The following RANBP9 variants were observed in gnomAD, a reference collection of about 807,000 sequenced individuals.
RANBP9 encodes the protein RAN binding protein 9.
Under a neutral mutation model 84.3 loss-of-function variants are expected in RANBP9, and 15 were observed. The ratio of observed to expected loss-of-function variants is 0.18; its 90% CI spans 0.12 to 0.27. RANBP9 has a LOEUF of 0.27. RANBP9 is among the 10% of genes least tolerant of loss of function. The probability of loss-of-function intolerance (pLI) is 1.00; values close to 1 mark genes in which losing one functional copy is unlikely to be tolerated. For missense variants in RANBP9, 809 were observed against 912.8 expected (o/e 0.89, Z 1.46); for synonymous variants, 392 against 349.6 (o/e 1.12, Z -1.35).
intron 2 of RANBP9, among the ~76,000 whole-genome samples, chr6:13,667,599 A>G (rs1765681343): frequency 6.6e-6 from 1 of 152,138 alleles, no homozygotes; most frequent in African/African-American, 2.4e-5. Flanking sequence ...CTTTTATACC[A>G]CACATTTTTA....
At chr6:13,635,515 T>G (rs1764915563) in intron 10 of RANBP9, among the ~76,000 whole-genome samples, 1 of 150,662 alleles carries the variant, frequency 6.6e-6, no homozygotes, top group Non-Finnish European at 1.5e-5. Flanking sequence ...AAAACACAGA[T>G]GAGCAAAAAC....
chr6:13,695,827 G>C (rs1234091764), intron 2 of RANBP9, among the ~76,000 whole-genome samples: 3 of 152,026 alleles, frequency 2.0e-5, no homozygotes, highest in Non-Finnish European at 4.4e-5. Context: ...AGAATATTCA[G>C]CCGATAAAGG....
chr6:13,652,526 T>C, intron 5 of RANBP9, 133 bp downstream of exon 5: 1 of 841,036 alleles, frequency 1.2e-6, no homozygotes, highest in Non-Finnish European at 1.8e-6. Context: ...AAAAGATCTC[T>C]TTCTTTGCAT....
intron 5 of RANBP9, among the ~76,000 whole-genome samples, chr6:13,647,838 C>A (rs1765207642): frequency 6.6e-6 from 1 of 152,084 alleles, no homozygotes; most frequent in Non-Finnish European, 1.5e-5. Context: ...ATTTACTCAA[C>A]CTTAAAACTG....
intron 1 of RANBP9, among the ~76,000 whole-genome samples, chr6:13,708,182 G>A (rs951311242): frequency 3.3e-5 from 5 of 152,100 alleles, no homozygotes; most frequent in African/African-American, 7.2e-5. Flanking sequence ...AGTACTTTGG[G>A]ATGCCAAGGT....
At chr6:13,639,490 A>AT in intron 9 of RANBP9, 73 bp downstream of exon 9, 1 of 1,466,724 alleles carries the variant, frequency 6.8e-7, no homozygotes, top group Non-Finnish European at 9.4e-7. Context: ...AAATATACAG[A>AT]TTTTCAAAAG....
At chr6:13,634,719 A>T (rs1206794136) in intron 10 of RANBP9, among the ~76,000 whole-genome samples, 167 bp from the exon 11 acceptor site, 1 of 152,250 alleles carries the variant, frequency 6.6e-6, no homozygotes, top group Non-Finnish European at 1.5e-5. Flanking sequence ...AAAGCCAAAC[A>T]TGTCGCTGAC....
chr6:13,701,605 A>G (rs146074893), intron 1 of RANBP9, among the ~76,000 whole-genome samples: 5 of 151,816 alleles, frequency 3.3e-5, no homozygotes, highest in Non-Finnish European at 5.9e-5. Context: ...CCCCATCTCC[A>G]CTAAAAATAC....
Position 13,625,718 on chromosome 6 carries a change from A to C in RANBP9, c.1994T>G (p.Val665Gly), listed in dbSNP as rs1364005345. 1 of 1,613,240 alleles carries C rather than the reference A, an allele frequency of 6.2e-7. No homozygotes were observed. Among genetic ancestry groups the C allele is most frequent in the Non-Finnish European group, 8.5e-7 (1 of 1,179,256 alleles). Residue 665 changes from valine (V) to glycine (G), a missense_variant, in exon 13 of 14, where the codon GTT becomes GGT. By Grantham distance (109) the Val-to-Gly change is moderately radical. Coordinates refer to ENST00000011619, the MANE Select transcript of RANBP9 (RefSeq NM_005493.3). ...LAYSDPWNSP[V>G]GNQLDPIQRE... is the part of the protein sequence containing the mutation. ...CTGAATCGGGTCAAGCTGATTTCCA[A>C]CTGGGCTGTTCCAGGGATCTGAATA...
chr6:13,641,760 ATGAG>A (rs1225231368), intron 7 of RANBP9, among the ~76,000 whole-genome samples: 1 of 152,214 alleles, frequency 6.6e-6, no homozygotes, highest in African/African-American at 2.4e-5. Context: ...AGGATACAAA[ATGAG>A]TAAGTGATCT....
chr6:13,676,175 C>T (rs1765881509), intron 2 of RANBP9, among the ~76,000 whole-genome samples: 1 of 151,976 alleles, frequency 6.6e-6, no homozygotes. Flanking sequence ...TAATGTTTGT[C>T]CTCAGAATAT....
intron 1 of RANBP9, among the ~76,000 whole-genome samples, chr6:13,698,792 TCGCC>T (rs1176524809): frequency 6.6e-6 from 1 of 152,120 alleles, no homozygotes; most frequent in East Asian, 1.9e-4. Context: ...ATAATGAAAC[TCGCC>T]CAAAGTCATA....
chr6:13,624,155 C>T (rs1051326495), intron 13 of RANBP9, among the ~76,000 whole-genome samples: 2 of 152,064 alleles, frequency 1.3e-5, no homozygotes, highest in East Asian at 1.9e-4. Context: ...TCCTAAATTC[C>T]GGAGAACTAC....
At chr6:13,688,864 G>A (rs537480313) in intron 2 of RANBP9, among the ~76,000 whole-genome samples, 1 of 151,034 alleles carries the variant, frequency 6.6e-6, no homozygotes, top group Admixed American at 6.6e-5. Context: ...CAAAAAGATT[G>A]AAGGCAGTCT....
rs1238299299 is a variant in RANBP9 at position 13,629,195 on chromosome 6, C to G, written c.1947+3175G>C. Among the ~76,000 whole-genome samples the G allele has an allele frequency of 3.3e-5, 5 of 152,258 alleles. No homozygotes were observed. In the East Asian group the frequency reaches 9.6e-4, roughly 29 times the overall value. The stretch of plus-strand genomic sequence containing the variant: ...GTGCAATCACAGCTCACTGCAGCCT[C>G]GAGCTTCTGGGCTCAAGCAATCCTC... On this transcript the variant is annotated intron_variant, in intron 12 of 13. Coordinates refer to ENST00000011619, the MANE Select transcript of RANBP9 (RefSeq NM_005493.3).
chr6:13,703,777 A>C (rs144982083), intron 1 of RANBP9, among the ~76,000 whole-genome samples: 1 of 152,226 alleles, frequency 6.6e-6, no homozygotes, highest in African/African-American at 2.4e-5. Context: ...AGTCATGACT[A>C]TTAAGACCAG....
chr6:13,660,981 T>C (rs1765527685), intron 2 of RANBP9, among the ~76,000 whole-genome samples: 2 of 152,230 alleles, frequency 1.3e-5, no homozygotes, highest in Non-Finnish European at 2.9e-5. Context: ...TCTGAGTCTA[T>C]GAGCACTCAA....
At chr6:13,707,084 G>A (rs1017772631) in intron 1 of RANBP9, among the ~76,000 whole-genome samples, 1 of 151,206 alleles carries the variant, frequency 6.6e-6, no homozygotes, top group Non-Finnish European at 1.5e-5. Flanking sequence ...CTGTCACCCA[G>A]GCCATCATAG....
chr6:13,678,117 C>CA (rs1158338109), intron 2 of RANBP9, among the ~76,000 whole-genome samples: 27 of 151,916 alleles, frequency 1.8e-4, no homozygotes, highest in Admixed American at 1.6e-3. Context: ...GATCTTATCT[C>CA]AAAAAACAAA....
Sources: allele counts gnomAD v4.1 joint callset (sites outside exome capture counted in the v4.1 genomes callset), GRCh38; gene constraint gnomAD v4.1.1; transcripts MANE v1.5; gene names NCBI Gene and HGNC (gene_info 2026-07-23, HGNC 2026-07-21).